The following TMOD3 variants were observed in gnomAD, a reference collection of about 807,000 sequenced individuals.
TMOD3 encodes tropomodulin 3.
A neutral mutation model predicts 39.2 loss-of-function variants in TMOD3; 20 were observed. That is an observed-to-expected ratio of 0.51 (90% CI 0.36 to 0.74). The LOEUF (loss-of-function observed/expected upper bound fraction) is 0.74, where lower values mean the gene tolerates loss of function less well. TMOD3 is among the 30% of genes least tolerant of loss of function. TMOD3 has a pLI of 0.00. For missense variants in TMOD3, 381 were observed against 412.8 expected, an observed-to-expected ratio of 0.92 and a Z score of 0.67; for synonymous variants, 143 against 145.8, an observed-to-expected ratio of 0.98 and a Z score of 0.14.
intron 1 of TMOD3, among the ~76,000 whole-genome samples, chr15:51,832,338 G>A (rs2056260797): frequency 6.6e-6 from 1 of 150,724 alleles, no homozygotes; most frequent in African/African-American, 2.4e-5. Context: ...GAATAAAAAC[G>A]TGGTAGATAT....
rs1173797840 is a variant in TMOD3, at chr15:51,832,206, T to TAC, written c.-75+2371_-75+2372insCA. On this transcript the variant is annotated intron_variant, in intron 1 of 9. Transcript: ENST00000308580. ...CTCTCTAAAAAAAGAAAAAAAATTATATATATATATATATATATATATATA... is the reference window on the plus strand; with the variant it reads ...CTCTCTAAAAAAAGAAAAAAAATTATACATATATATATATATATATATATATA... Among the ~76,000 whole-genome samples the TAC allele has an allele frequency of 1.8e-5, 2 of 108,432 alleles. 1 individual carries two copies. Among genetic ancestry groups the TAC allele is most frequent in the East Asian group, 5.1e-4 (2 of 3,934 alleles). The allele number at this position is 108,432 out of a possible 152,430, so 71.1% of individuals were successfully genotyped here. A position where few individuals can be genotyped will look rare whatever the true frequency, so the allele number is the denominator to read the frequency against.
chr15:51,881,550 C>CTTTTTTTTTTTTTTTTTTTTTTTT (rs753814979), intron 3 of TMOD3, among the ~76,000 whole-genome samples: 1 of 61,828 alleles, frequency 1.6e-5, no homozygotes, highest in Non-Finnish European at 3.0e-5. Context: ...TTCTTTATTT[C>CTTTTTTTTTTTTTTTTTTTTTTTT]TTTTTTTTTT....
At chr15:51,897,546 G>T (rs1157092977) in intron 7 of TMOD3, among the ~76,000 whole-genome samples, 5 of 144,792 alleles carry the variant, frequency 3.5e-5, no homozygotes, top group Non-Finnish European at 7.5e-5. Flanking sequence ...GTGCAGTGGC[G>T]CAATCTCGGC....
At chr15:51,831,249 G>C (rs1001010186) in intron 1 of TMOD3, among the ~76,000 whole-genome samples, 3 of 152,004 alleles carry the variant, frequency 2.0e-5, no homozygotes, top group Admixed American at 1.3e-4. Flanking sequence ...AAATTTTGTG[G>C]TATATCCAAT....
intron 4 of TMOD3, 78 bp downstream of exon 4, chr15:51,887,789 T>C: frequency 6.4e-7 from 1 of 1,554,608 alleles, no homozygotes; most frequent in Non-Finnish European, 8.7e-7. Flanking sequence ...ATATACATTA[T>C]ACAAACGTTT....
At chr15:51,857,928 C>T (rs2056396531) in intron 1 of TMOD3, 1 of 152,086 alleles carries the variant, frequency 6.6e-6, no homozygotes, top group African/African-American at 2.4e-5. Flanking sequence ...TTTTTACCTT[C>T]TTCAGAATTA....
At chr15:51,876,803 A>G (rs1421461478) in intron 3 of TMOD3, among the ~76,000 whole-genome samples, 4 of 152,020 alleles carry the variant, frequency 2.6e-5, no homozygotes, top group Non-Finnish European at 5.9e-5. Context: ...TCCAGGCATG[A>G]TGGCTCACAC....
intron 9 of TMOD3, among the ~76,000 whole-genome samples, chr15:51,906,143 C>T (rs1269832173): frequency 2.6e-5 from 4 of 152,044 alleles, no homozygotes; most frequent in African/African-American, 7.2e-5. Context: ...GTGCACACAG[C>T]GGCAGCAACC....
chr15:51,854,563 G>A (rs1044201639), intron 1 of TMOD3, among the ~76,000 whole-genome samples: 19 of 152,174 alleles, frequency 1.2e-4, no homozygotes, highest in Middle Eastern at 3.4e-3. Flanking sequence ...AGTCAGTGTC[G>A]ATACCTTACT....
intron 1 of TMOD3, among the ~76,000 whole-genome samples, chr15:51,831,477 CTG>C (rs1458593759): frequency 5.3e-5 from 8 of 152,206 alleles, no homozygotes; most frequent in Non-Finnish European, 1.0e-4. Flanking sequence ...AGTCCAAAGT[CTG>C]TATGTCTGAT....
At chr15:51,901,236 CGG>C (rs2056648554) in intron 8 of TMOD3, 1 of 152,310 alleles carries the variant, frequency 6.6e-6, no homozygotes, top group African/African-American at 2.4e-5. Context: ...TGTCCACATA[CGG>C]GCCACTAGAA....
At chr15:51,873,916 T>G (rs1184241606) in intron 3 of TMOD3, among the ~76,000 whole-genome samples, 1 of 152,208 alleles carries the variant, frequency 6.6e-6, no homozygotes, top group African/African-American at 2.4e-5. Context: ...CCACTGCACC[T>G]GGCCGACTGC....
intron 3 of TMOD3, among the ~76,000 whole-genome samples, chr15:51,878,535 A>G (rs2056517150): frequency 6.6e-6 from 1 of 152,084 alleles, no homozygotes; most frequent in African/African-American, 2.4e-5. Flanking sequence ...TTTCCCTGTT[A>G]AAGTATTAAC....
chr15:51,864,117 T>G (rs1440946057), intron 2 of TMOD3, among the ~76,000 whole-genome samples: 1 of 151,908 alleles, frequency 6.6e-6, no homozygotes, highest in Non-Finnish European at 1.5e-5. Context: ...ATACAAAAAT[T>G]AGCTGGGCAT....
intron 5 of TMOD3, chr15:51,892,211 AT>A (rs1339333170): frequency 6.6e-6 from 1 of 152,206 alleles, no homozygotes; most frequent in African/African-American, 2.4e-5. Flanking sequence ...ATAGTAGTCC[AT>A]TTTGAACCCG....
chr15:51,900,112 C>A, intron 7 of TMOD3, 43 bp from the exon 8 acceptor site: 1 of 1,577,688 alleles, frequency 6.3e-7, no homozygotes, highest in South Asian at 1.1e-5. Context: ...GTAGTAGGTA[C>A]TGTATCAAAT....
intron 2 of TMOD3, 143 bp downstream of exon 2, chr15:51,863,153 C>T (rs1464698894): frequency 1.3e-6 from 1 of 761,112 alleles, no homozygotes; most frequent in East Asian, 2.9e-5. Flanking sequence ...GCTTTTGGCT[C>T]TCTCTCCAGT....
At chr15:51,869,395 T>C in intron 3 of TMOD3, 22 bp downstream of exon 3, 1 of 1,606,156 alleles carries the variant, frequency 6.2e-7, no homozygotes, top group Non-Finnish European at 8.5e-7. Context: ...AATTTTAAAG[T>C]CATTATGTGG....
At chr15:51,840,098 G>A (rs934227937) in intron 1 of TMOD3, among the ~76,000 whole-genome samples, 1 of 152,142 alleles carries the variant, frequency 6.6e-6, no homozygotes, top group East Asian at 1.9e-4. Flanking sequence ...AATCTATGGT[G>A]GAAATAGATT....
Sources: allele counts gnomAD v4.1 joint callset (sites outside exome capture counted in the v4.1 genomes callset), GRCh38; gene constraint gnomAD v4.1.1; transcripts MANE v1.5; gene names NCBI Gene and HGNC (gene_info 2026-07-23, HGNC 2026-07-21).